Variants in SLC5A1 observed in about 807,000 individuals in gnomAD.
SLC5A1 encodes the protein sodium/glucose cotransporter 1.
SLC5A1 carries 42 observed loss-of-function variants against 73.5 expected under a neutral mutation model. That is an observed-to-expected ratio of 0.57 (90% CI 0.45 to 0.74). The LOEUF is 0.74. SLC5A1 is among the 30% of genes least tolerant of loss of function. The pLI, the probability that SLC5A1 is intolerant of heterozygous loss-of-function variation, is 0.00. For synonymous variants in SLC5A1, 300 were observed against 317.4 expected, an observed-to-expected ratio of 0.95 and a Z score of 0.58; for missense variants, 634 against 855.4, an observed-to-expected ratio of 0.74 and a Z score of 3.23.
intron 9 of SLC5A1, 116 bp downstream of exon 9, chr22:32,085,151 T>G: frequency 8.1e-7 from 1 of 1,237,116 alleles, no homozygotes; most frequent in Middle Eastern, 2.0e-4. Flanking sequence ...GGTCTCACTC[T>G]GTCACCCAGG....
At chr22:32,062,265 A>C (rs2413063) in intron 2 of SLC5A1, among the ~76,000 whole-genome samples, 6,824 of 152,300 alleles carry the variant, frequency 0.045, 206 homozygotes, top group Non-Finnish European at 0.07. Flanking sequence ...CCACAGACCC[A>C]TTCCACTCTG....
chr22:32,051,648 CCT>C (rs1164337047), intron 2 of SLC5A1, among the ~76,000 whole-genome samples: 1 of 151,866 alleles, frequency 6.6e-6, no homozygotes, highest in Non-Finnish European at 1.5e-5. Context: ...AGAGTGAGAC[CCT>C]GTTTCAAACA....
chr22:32,049,401 T>C (rs548132025), intron 1 of SLC5A1, among the ~76,000 whole-genome samples: 1 of 136,578 alleles, frequency 7.3e-6, no homozygotes, highest in East Asian at 2.5e-4. Flanking sequence ...TTTAAAAGTA[T>C]GATATTTCTT....
At chr22:32,046,826 C>T (rs1368195798) in intron 1 of SLC5A1, among the ~76,000 whole-genome samples, 2 of 152,210 alleles carry the variant, frequency 1.3e-5, no homozygotes, top group African/African-American at 4.8e-5. Flanking sequence ...TTTACCCCAG[C>T]AGCTTGGAGT....
intron 5 of SLC5A1, among the ~76,000 whole-genome samples, chr22:32,073,619 C>T (rs1441902255): frequency 5.9e-5 from 9 of 152,008 alleles, no homozygotes; most frequent in Non-Finnish European, 1.2e-4. Context: ...TACTGTGGCG[C>T]GATCTTGGCT....
intron 7 of SLC5A1, among the ~76,000 whole-genome samples, chr22:32,083,728 AGGTAAG>A (rs967047505): frequency 6.6e-6 from 1 of 151,466 alleles, no homozygotes; most frequent in African/African-American, 2.4e-5. Context: ...TGGAGAACCT[AGGTAAG>A]GGTACTTATT....
chr22:32,077,716 G>A (rs766835825), intron 5 of SLC5A1, among the ~76,000 whole-genome samples: 16 of 152,130 alleles, frequency 1.1e-4, no homozygotes, highest in Middle Eastern at 3.4e-3. Context: ...AGATATAGCC[G>A]AAGACCTATT....
intron 13 of SLC5A1, among the ~76,000 whole-genome samples, chr22:32,102,859 A>G (rs2094038925): frequency 6.6e-6 from 1 of 152,192 alleles, no homozygotes; most frequent in African/African-American, 2.4e-5. Flanking sequence ...TTTACTTAAC[A>G]TAATGGCCTC....
rs1404724645 is a variant in SLC5A1, at chr22:32,067,358, T to TA, written c.312+319_312+320insA. ...ATTTCCATTATTATTATTATTATTT[T>TA]TTTTAAAAAAATTTTTATTATTTTA... On this transcript the variant is annotated intron_variant, in intron 3 of 14. Transcript: ENST00000266088. Among the ~76,000 whole-genome samples the TA allele has an allele frequency of 2.3e-3, 345 of 149,822 alleles. 1 individual carries two copies. Among genetic ancestry groups the TA allele is most frequent in the Middle Eastern group, 6.8e-3 (2 of 294 alleles).
chr22:32,071,639 A>C (rs1309386161), intron 5 of SLC5A1, among the ~76,000 whole-genome samples: 3 of 151,872 alleles, frequency 2.0e-5, no homozygotes, highest in Non-Finnish European at 2.9e-5. Flanking sequence ...TCATTGCTCT[A>C]TCAAAATGGT....
chr22:32,057,075 A>G (rs1373289847), intron 2 of SLC5A1, among the ~76,000 whole-genome samples: 1 of 152,254 alleles, frequency 6.6e-6, no homozygotes, highest in Non-Finnish European at 1.5e-5. Context: ...CCTCAAGGTC[A>G]CATAGTTTGC....
At chr22:32,080,908 C>T (rs1214710819) in intron 5 of SLC5A1, among the ~76,000 whole-genome samples, 6 of 152,076 alleles carry the variant, frequency 3.9e-5, no homozygotes, top group Non-Finnish European at 7.4e-5. Flanking sequence ...GCAGGAGAAT[C>T]GCTTGAACCC....
intron 5 of SLC5A1, among the ~76,000 whole-genome samples, chr22:32,075,442 A>G (rs1173542582): frequency 1.3e-5 from 2 of 152,090 alleles, no homozygotes; most frequent in African/African-American, 4.8e-5. Context: ...CTTTCATTTT[A>G]CAGATGGAGA....
intron 2 of SLC5A1, among the ~76,000 whole-genome samples, chr22:32,063,367 TATTTC>T (rs1387844529): frequency 6.6e-6 from 1 of 152,170 alleles, no homozygotes; most frequent in Admixed American, 6.5e-5. Context: ...ACTGGTTCAT[TATTTC>T]ATTTGACTCC....
chr22:32,087,476 T>C (rs1485061887), intron 10 of SLC5A1, among the ~76,000 whole-genome samples: 1 of 152,194 alleles, frequency 6.6e-6, no homozygotes, highest in Non-Finnish European at 1.5e-5. Flanking sequence ...ACTTTTATGC[T>C]CTTCCAAGGA....
chr22:32,056,811 C>T (rs1184880364), intron 2 of SLC5A1, among the ~76,000 whole-genome samples: 1 of 152,184 alleles, frequency 6.6e-6, no homozygotes. Flanking sequence ...TCCATTTGGG[C>T]TATGATGACC....
Position 32,099,258 on chromosome 22 carries a change from C to G in SLC5A1, c.1356C>G (p.Leu452=). 1 of 1,613,660 alleles carries G rather than the reference C, an allele frequency of 6.2e-7. No homozygotes were observed. The highest frequency in any genetic ancestry group is 8.5e-7 in the Non-Finnish European group (1 of 1,179,910). ...PIVQSAQSGQ[L]FDYIQSITSY... is the part of the protein sequence containing the mutation. The stretch of plus-strand genomic sequence containing the variant: ...TGCAGTCAGCACAAAGTGGGCAACT[C>G]TTCGATTACATCCAGTCCATCACCA... Residue 452 remains leucine (L), a synonymous_variant, in exon 12 of 15, where the codon CTC becomes CTG. Coordinates refer to ENST00000266088, the MANE Select transcript of SLC5A1 (RefSeq NM_000343.4).
intron 2 of SLC5A1, among the ~76,000 whole-genome samples, chr22:32,052,913 A>G (rs536874444): frequency 6.6e-6 from 1 of 152,304 alleles, no homozygotes; most frequent in Admixed American, 6.5e-5. Flanking sequence ...CACAGTATAG[A>G]CAGTGGTAAG....
At chr22:32,060,716 C>T (rs2093961086) in intron 2 of SLC5A1, among the ~76,000 whole-genome samples, 1 of 152,100 alleles carries the variant, frequency 6.6e-6, no homozygotes, top group Admixed American at 6.6e-5. Context: ...ACTACAGGTA[C>T]ATGCCACCAT....
Sources: gnomAD v4.1 joint callset for allele counts (sites outside exome capture counted in the v4.1 genomes callset) on GRCh38, gnomAD v4.1.1 for gene constraint, MANE v1.5 for transcripts, NCBI Gene and HGNC (gene_info 2026-07-23, HGNC 2026-07-21) for gene names.